SYTL2: variants seen among roughly 807,000 people sequenced by gnomAD.
SYTL2 encodes synaptotagmin-like protein 2.
In SYTL2, 165 loss-of-function variants were observed where a neutral mutation model predicts 198.7. The ratio of observed to expected loss-of-function variants is 0.83; its 90% confidence interval spans 0.73 to 0.94. The LOEUF (loss-of-function observed/expected upper bound fraction) is 0.94, where lower values mean the gene tolerates loss of function less well. Ranked by LOEUF, SYTL2 falls within the 40% of genes least tolerant of loss-of-function variation. The pLI is 0.00. For missense variants in SYTL2, 2,835 were observed against 2,582.8 expected, an observed-to-expected ratio of 1.10 and a Z score of -2.12; for synonymous variants, 966 against 917.7, an observed-to-expected ratio of 1.05 and a Z score of -0.95.
At chr11:85,781,014 G>A (rs1439649805) in intron 1 of SYTL2, among the ~76,000 whole-genome samples, 1 of 152,174 alleles carries the variant, frequency 6.6e-6, no homozygotes, top group Non-Finnish European at 1.5e-5. Context: ...CACATCTGGG[G>A]TACAGAAGTG....
chr11:85,820,187 ATTT>A, the SYTL2 span, among the ~76,000 whole-genome samples: 1 of 152,242 alleles, frequency 6.6e-6, no homozygotes, highest in Non-Finnish European at 1.5e-5. Context: ...GAAATCTCAC[ATTT>A]TTATTTAACA....
chr11:85,724,303 C>T lies in SYTL2; in HGVS notation c.5055G>A (p.Arg1685=). ...CCCCTGCAACCCCACTTTCACTGTC[C>T]CTGTCCTCTGGGGGGGTTACAGTTT... is the stretch of plus-strand genomic sequence containing the variant. ...TIKTVTPPED[R]DSESGVAGGQ... is the part of the protein sequence containing the mutation. The change falls in exon 8 of 20, where the codon AGG becomes AGA. Residue 1685 remains arginine, a synonymous_variant. Coordinates refer to ENST00000359152, the MANE Select transcript of SYTL2 (RefSeq NM_206927.4). The T allele has an allele frequency of 6.3e-7, 1 of 1,575,360 alleles. No individual in the cohort carries two copies. Among genetic ancestry groups the T allele is most frequent in the Non-Finnish European group, 8.6e-7 (1 of 1,164,374 alleles).
intron 1 of SYTL2, among the ~76,000 whole-genome samples, chr11:85,793,201 C>G (rs1489382299): frequency 6.6e-6 from 1 of 151,588 alleles, no homozygotes; most frequent in Non-Finnish European, 1.5e-5. Context: ...GAGGAATCGC[C>G]ACACTGACTT....
intron 16 of SYTL2, among the ~76,000 whole-genome samples, chr11:85,701,180 A>C (rs290172): frequency 6.6e-6 from 1 of 152,102 alleles, no homozygotes; most frequent in Non-Finnish European, 1.5e-5. Context: ...GGATCAGAAA[A>C]GTTTCAGATT....
intron 17 of SYTL2, 123 bp from the exon 18 acceptor site, chr11:85,698,201 C>G (rs2083701388): frequency 1.5e-6 from 1 of 658,248 alleles, no homozygotes; most frequent in African/African-American, 1.8e-5. Context: ...ATGATATCAT[C>G]TGAACTGATT....
In SYTL2 at chr11:85,724,978, C is replaced by A; in HGVS notation, c.4380G>T (p.Thr1460=). ...LAAQMSPSDQ[T]LSSFASIVAQ... Reference sequence around the variant, plus strand: ...CAACAATGGAAGCAAATGAGCTAAGCGTCTGGTCTGATGGAGACATTTGGG... The same window carrying A: ...CAACAATGGAAGCAAATGAGCTAAGAGTCTGGTCTGATGGAGACATTTGGG... The change falls in exon 8 of 20, where the codon ACG becomes ACT. Residue 1460 remains threonine, a synonymous_variant. Coordinates refer to ENST00000359152, the MANE Select transcript of SYTL2 (RefSeq NM_206927.4). The A allele has an allele frequency of 6.2e-7, 1 of 1,613,764 alleles. No individual in the cohort carries two copies. Among genetic ancestry groups the A allele is most frequent in the Non-Finnish European group, 8.5e-7 (1 of 1,179,806 alleles).
the SYTL2 span, among the ~76,000 whole-genome samples, chr11:85,828,906 T>C: frequency 6.6e-6 from 1 of 152,188 alleles, no homozygotes; most frequent in Non-Finnish European, 1.5e-5. Flanking sequence ...CAGATCATAT[T>C]GCAGTAGGAC....
chr11:85,757,739 T>A lies in SYTL2; in HGVS notation c.-14A>T, dbSNP rs2091950609. On this transcript the variant is annotated 5_prime_UTR_variant, in exon 2 of 20. An upstream start codon of the reference 5' UTR is lost. Coordinates refer to ENST00000359152, the MANE Select transcript of SYTL2 (RefSeq NM_206927.4). ...TAAGTCAATCATTTTGAAAAGTGCATGCAAAAATAATAGCAACAAATGTGG... is the reference window on the plus strand; with the variant it reads ...TAAGTCAATCATTTTGAAAAGTGCAAGCAAAAATAATAGCAACAAATGTGG... The A allele has an allele frequency of 5.0e-6, 8 of 1,610,186 alleles. No individual in the cohort carries two copies. Among genetic ancestry groups the A allele is most frequent in the Non-Finnish European group, 6.8e-6 (8 of 1,179,826 alleles).
intron 3 of SYTL2, 83 bp from the exon 4 acceptor site, chr11:85,745,855 G>T: frequency 7.0e-7 from 1 of 1,433,170 alleles, no homozygotes; most frequent in Non-Finnish European, 9.5e-7. Context: ...TATCACTGAA[G>T]CCTTGAACCT....
chr11:85,768,994 G>A (rs997042813), intron 1 of SYTL2, among the ~76,000 whole-genome samples: 8 of 151,872 alleles, frequency 5.3e-5, no homozygotes, highest in South Asian at 2.1e-4. Flanking sequence ...TATAGCAGGC[G>A]CCTCATTTAT....
the SYTL2 span, among the ~76,000 whole-genome samples, chr11:85,845,790 C>A: frequency 6.6e-6 from 1 of 152,056 alleles, no homozygotes; most frequent in Non-Finnish European, 1.5e-5. Flanking sequence ...GTGGCAGGCA[C>A]CTGTAGTCCC....
rs775276667 is a variant in SYTL2 at position 85,736,626 on chromosome 11, A to G, written c.472-11T>C. ...CGGATTCTTCCTCTGCTGGGGACAA[A>G]TATTGTTTATTAAACTTATTTTAAA... is the stretch of plus-strand genomic sequence containing the variant. On this transcript the variant is annotated splice_polypyrimidine_tract_variant and intron_variant, in intron 5 of 19. Transcript: ENST00000359152. 7.1e-7 allele frequency: 1 copy of G among 1,399,866 alleles called. No individual in the cohort carries two copies. The highest frequency in any genetic ancestry group is 1.2e-5 in the South Asian group (1 of 84,740). 86.7% of individuals were successfully genotyped at this position (1,399,866 alleles called of 1,614,324 possible). A position where few individuals can be genotyped will look rare whatever the true frequency, so the allele number is the denominator to read the frequency against.
At chr11:85,700,428 G>T in intron 17 of SYTL2, 87 bp downstream of exon 17, 2 of 1,015,158 alleles carry the variant, frequency 2.0e-6, no homozygotes, top group South Asian at 2.7e-5. Flanking sequence ...TTTCTTTAGG[G>T]CCTCACCTTT....
rs193053714 is a variant in SYTL2 at position 85,709,242 on chromosome 11, T to A, written c.5915+89A>T. ...CATTCCTCTTAACACATACCCTCCC[T>A]CCTCTTGATTACTTTATTTCCTTCC... On this transcript the variant is annotated intron_variant, in intron 14 of 19. Transcript: ENST00000359152. The A allele has an allele frequency of 2.3e-4, 296 of 1,297,328 alleles. 2 individuals carry two copies. The African/African-American group carries it at 3.9e-3, about 17-fold the overall frequency. 80.4% of individuals were successfully genotyped at this position (1,297,328 alleles called of 1,614,324 possible).
chr11:85,812,206 C>T (rs1383292420), upstream of SYTL2, among the ~76,000 whole-genome samples: 1 of 152,228 alleles, frequency 6.6e-6, no homozygotes, highest in Non-Finnish European at 1.5e-5. Flanking sequence ...AGGAGATGAA[C>T]CTTAAAGCCT....
At chr11:85,807,507 T>C (rs1057057604) in intron 1 of SYTL2, among the ~76,000 whole-genome samples, 4 of 152,242 alleles carry the variant, frequency 2.6e-5, no homozygotes, top group African/African-American at 7.2e-5. Flanking sequence ...AATTTGTTTA[T>C]TATCATCAAT....
intron 1 of SYTL2, among the ~76,000 whole-genome samples, chr11:85,807,252 G>A (rs1262664973): frequency 2.0e-5 from 3 of 152,190 alleles, no homozygotes; most frequent in Admixed American, 6.5e-5. Context: ...TGAGATACTA[G>A]CCACCAAGGA....
chr11:85,755,410 C>A (rs1046191172), intron 2 of SYTL2, among the ~76,000 whole-genome samples: 1 of 152,176 alleles, frequency 6.6e-6, no homozygotes, highest in Non-Finnish European at 1.5e-5. Context: ...TGACTCACAC[C>A]AGGCTTTTCA....
chr11:85,744,749 G>C (rs955141755), intron 4 of SYTL2, among the ~76,000 whole-genome samples: 1 of 152,142 alleles, frequency 6.6e-6, no homozygotes, highest in East Asian at 1.9e-4. Context: ...TGAAGACTCT[G>C]AATTGAACTA....
Sources: gnomAD v4.1 joint callset for allele counts (sites outside exome capture counted in the v4.1 genomes callset) on GRCh38, gnomAD v4.1.1 for gene constraint, MANE v1.5 for transcripts, NCBI Gene and HGNC (gene_info 2026-07-23, HGNC 2026-07-21) for gene names.